Variants in NBEA observed in about 807,000 individuals in gnomAD.
NBEA encodes the protein neurobeachin.
In NBEA, 44 loss-of-function variants were observed where a neutral mutation model predicts 343.4. The ratio of observed to expected loss-of-function variants is 0.13; its 90% CI spans 0.10 to 0.16. The LOEUF (loss-of-function observed/expected upper bound fraction) is 0.16, where lower values mean the gene tolerates loss of function less well. Ranked by LOEUF, NBEA falls within the 10% of genes least tolerant of loss-of-function variation. The pLI, the probability that NBEA is intolerant of heterozygous loss-of-function variation, is 1.00. For synonymous variants in NBEA, 1,175 were observed against 1,238.7 expected, an observed-to-expected ratio of 0.95 and a Z score of 1.08; for missense variants, 2,555 against 3,631.3, an observed-to-expected ratio of 0.70 and a Z score of 7.62.
At chr13:35,004,899 TA>T (rs1394946772) in intron 1 of NBEA, among the ~76,000 whole-genome samples, 5 of 152,208 alleles carry the variant, frequency 3.3e-5, no homozygotes, top group African/African-American at 1.2e-4. Flanking sequence ...CATGATAGAA[TA>T]AAAATAGAGC....
rs559844304 is a variant in NBEA at position 35,163,044 on chromosome 13, G to A, written c.4079+1077G>A. 2.9e-4 allele frequency among the ~76,000 whole-genome samples: 44 copies of A among 152,250 alleles called. No individual in the cohort carries two copies. In the South Asian group the frequency reaches 9.1e-3, roughly 32 times the overall value. ...CATTGCTATTAACATGAAGACCAAT[G>A]TATGGAGATAAATTATGTAATTTGA... On this transcript the variant is annotated intron_variant, in intron 23 of 58. Transcript: ENST00000379939.
At chr13:35,381,510 T>C (rs150278047) in intron 38 of NBEA, among the ~76,000 whole-genome samples, 1 of 152,092 alleles carries the variant, frequency 6.6e-6, no homozygotes, top group African/African-American at 2.4e-5. Flanking sequence ...TATCCAGACT[T>C]CTATTCCCGA....
chr13:35,032,850 T>C (rs1432186349), intron 1 of NBEA, among the ~76,000 whole-genome samples: 1 of 151,808 alleles, frequency 6.6e-6, no homozygotes, highest in Non-Finnish European at 1.5e-5. Context: ...TGGTTTGGAT[T>C]ATTAGATATT....
chr13:35,581,281 C>G (rs1461662868), intron 45 of NBEA, among the ~76,000 whole-genome samples: 1 of 151,942 alleles, frequency 6.6e-6, no homozygotes. Context: ...TCTCCAGCAC[C>G]TGTTGTTTCC....
intron 1 of NBEA, among the ~76,000 whole-genome samples, chr13:34,996,861 G>A (rs1418274101): frequency 1.3e-5 from 2 of 151,986 alleles, no homozygotes; most frequent in African/African-American, 4.8e-5. Flanking sequence ...TATATGTGAC[G>A]AAGAAATGAA....
chr13:34,963,378 T>A (rs1473209227), intron 1 of NBEA, among the ~76,000 whole-genome samples: 1 of 151,998 alleles, frequency 6.6e-6, no homozygotes, highest in Non-Finnish European at 1.5e-5. Flanking sequence ...CCTATCCATA[T>A]GATTTCATTT....
intron 8 of NBEA, among the ~76,000 whole-genome samples, chr13:35,068,096 A>C (rs1040938151): frequency 1.3e-5 from 2 of 152,108 alleles, no homozygotes; most frequent in African/African-American, 4.8e-5. Flanking sequence ...AAGGAAAGAT[A>C]AGAAAATTTT....
chr13:35,418,872 A>G (rs1477701587), intron 38 of NBEA, among the ~76,000 whole-genome samples: 7 of 151,998 alleles, frequency 4.6e-5, no homozygotes, highest in Non-Finnish European at 8.8e-5. Context: ...AGTATTCCTT[A>G]TATGAAACGC....
intron 25 of NBEA, among the ~76,000 whole-genome samples, chr13:35,169,763 A>G (rs577449537): frequency 2.6e-5 from 4 of 151,884 alleles, no homozygotes; most frequent in African/African-American, 9.6e-5. Flanking sequence ...CAGATTTAAA[A>G]TGAATTTTTT....
At position 35,235,466 on chromosome 13, in the gene NBEA, A is replaced by T. The variant is rs1196126023; in HGVS notation, c.5776+2847A>T. ...CTGACCAAAGACATAATAAAATAAA[A>T]CAGGGAATAAAGTTAGTCTTGTAAT... is the stretch of plus-strand genomic sequence containing the variant. On this transcript the variant is annotated intron_variant, in intron 34 of 58. Coordinates refer to ENST00000379939, the MANE Select transcript of NBEA (RefSeq NM_001385012.1). 3.9e-5 allele frequency among the ~76,000 whole-genome samples: 6 copies of T among 152,342 alleles called. No individual in the cohort carries two copies. In the East Asian group the frequency reaches 1.2e-3, roughly 29 times the overall value.
At chr13:35,385,030 G>T (rs1015186123) in intron 38 of NBEA, among the ~76,000 whole-genome samples, 1 of 152,102 alleles carries the variant, frequency 6.6e-6, no homozygotes, top group African/African-American at 2.4e-5. Context: ...TGGCTCAGAT[G>T]TCCTGTGTTT....
chr13:35,148,977 A>AT (rs2068604046), intron 18 of NBEA, among the ~76,000 whole-genome samples: 1 of 151,978 alleles, frequency 6.6e-6, no homozygotes, highest in African/African-American at 2.4e-5. Flanking sequence ...TAACTACTTA[A>AT]TTTTTTCTCT....
intron 1 of NBEA, among the ~76,000 whole-genome samples, chr13:35,005,817 A>C (rs988436595): frequency 6.6e-6 from 1 of 152,212 alleles, no homozygotes; most frequent in Non-Finnish European, 1.5e-5. Context: ...AGATTAGAAA[A>C]GAGTTTATAC....
intron 41 of NBEA, among the ~76,000 whole-genome samples, chr13:35,541,375 G>A (rs2078815403): frequency 1.3e-5 from 2 of 151,878 alleles, no homozygotes; most frequent in Admixed American, 1.3e-4. Flanking sequence ...CTAATGGTCA[G>A]CTGATAAATA....
intron 40 of NBEA, among the ~76,000 whole-genome samples, 167 bp downstream of exon 40, chr13:35,452,402 C>T (rs2046353645): frequency 6.6e-6 from 1 of 151,912 alleles, no homozygotes; most frequent in Non-Finnish European, 1.5e-5. Context: ...AAGAGAGAAC[C>T]CCAAAGAAAT....
chr13:35,370,427 T>C (rs955169247), intron 38 of NBEA, among the ~76,000 whole-genome samples: 46 of 152,188 alleles, frequency 3.0e-4, no homozygotes, highest in African/African-American at 9.9e-4. Context: ...GTATGTGTCT[T>C]TGCAGATGAG....
intron 34 of NBEA, among the ~76,000 whole-genome samples, chr13:35,261,807 AG>A (rs772347678): frequency 6.6e-6 from 1 of 152,190 alleles, no homozygotes; most frequent in Non-Finnish European, 1.5e-5. Flanking sequence ...TTCAAGGAAA[AG>A]GGGTTGAGAG....
At chr13:35,558,942 G>A (rs1169978816) in intron 44 of NBEA, among the ~76,000 whole-genome samples, 1 of 152,164 alleles carries the variant, frequency 6.6e-6, no homozygotes, top group East Asian at 1.9e-4. Context: ...TAAGGATTTT[G>A]TCAGATGTAG....
intron 18 of NBEA, among the ~76,000 whole-genome samples, chr13:35,145,279 G>C (rs1039469194): frequency 1.3e-5 from 2 of 152,190 alleles, no homozygotes; most frequent in Non-Finnish European, 2.9e-5. Context: ...AAAGTTTTGA[G>C]TTGCTTCTTC....
Sources: gnomAD v4.1 joint callset for allele counts (sites outside exome capture counted in the v4.1 genomes callset) on GRCh38, gnomAD v4.1.1 for gene constraint, MANE v1.5 for transcripts, NCBI Gene and HGNC (gene_info 2026-07-23, HGNC 2026-07-21) for gene names.